Variants in OTUD5 observed in about 807,000 individuals in gnomAD.
The protein encoded by OTUD5 is OTU domain-containing protein 5.
In OTUD5, 2 loss-of-function variants were observed where a neutral mutation model predicts 36.3. The observed-to-expected ratio is 0.06, with a 90% CI of 0.02 to 0.17. OTUD5 has a LOEUF of 0.17. OTUD5 is among the 10% of genes least tolerant of loss of function. The pLI is 1.00. For synonymous variants in OTUD5, 234 were observed against 214.9 expected (o/e 1.09, Z -0.78); for missense variants, 233 against 512.3 (o/e 0.45, Z 5.26).
chrX:48,935,916 G>C (rs1021429463), intron 2 of OTUD5, among the ~76,000 whole-genome samples: 4 of 92,684 alleles, frequency 4.3e-5, no homozygotes, highest in Non-Finnish European at 6.5e-5. Context: ...TCCAGCCTGG[G>C]CGACAGAGTA....
intron 5 of OTUD5, among the ~76,000 whole-genome samples, chrX:48,931,650 G>GC (rs1557048849): frequency 9.2e-6 from 1 of 108,651 alleles, no homozygotes; most frequent in East Asian, 2.9e-4. Context: ...GTGGTGGTGG[G>GC]CACCTGTAAT....
At chrX:48,942,244 T>TACACACACACACAC (rs1188711919) in intron 2 of OTUD5, among the ~76,000 whole-genome samples, 2,479 of 57,047 alleles carry the variant, frequency 0.043, 190 homozygotes, top group East Asian at 0.052. Context: ...CACACACACA[T>TACACACACACACAC]ACACACACAC....
rs1229446636 is a variant in OTUD5, at chrX:48,934,203, G to A, written c.1059+261C>T. ...AGCCCTGGCTCACTGCTCCAAAATA[G>A]GACTCCACATCCTAAAATGCCAGCC... is the stretch of plus-strand genomic sequence containing the variant. On this transcript the variant is annotated intron_variant, in intron 5 of 8. Coordinates refer to ENST00000376488, the MANE Select transcript of OTUD5 (RefSeq NM_001136157.2). Among the ~76,000 whole-genome samples the A allele has an allele frequency of 2.7e-5, 3 of 111,573 alleles. No homozygotes were observed. In the East Asian group the frequency reaches 8.4e-4, roughly 31 times the overall value.
intron 1 of OTUD5, among the ~76,000 whole-genome samples, chrX:48,954,128 CTTTTT>C (rs781933375): frequency 9.3e-6 from 1 of 107,433 alleles, no homozygotes. Flanking sequence ...TTTTCATATT[CTTTTT>C]TTTTTATTAG....
intron 1 of OTUD5, among the ~76,000 whole-genome samples, chrX:48,946,106 C>G (rs1026407824): frequency 1.8e-5 from 2 of 111,375 alleles, no homozygotes; most frequent in African/African-American, 6.5e-5. Flanking sequence ...GGCCATTTTT[C>G]CCCAGCTCAA....
At chrX:48,954,646 A>C (rs1482064037) in intron 1 of OTUD5, among the ~76,000 whole-genome samples, 4 of 111,731 alleles carry the variant, frequency 3.6e-5, no homozygotes, top group Non-Finnish European at 7.5e-5. Context: ...AGAAAGATTT[A>C]CCTGAGCCAA....
intron 2 of OTUD5, among the ~76,000 whole-genome samples, chrX:48,943,755 G>T (rs2063974406): frequency 9.0e-6 from 1 of 110,513 alleles, no homozygotes; most frequent in East Asian, 2.8e-4. Flanking sequence ...GTATGCTATG[G>T]TTAAGAGCAT....
At chrX:48,928,311 G>GCA (rs1199136516) in intron 5 of OTUD5, among the ~76,000 whole-genome samples, 2 of 112,083 alleles carry the variant, frequency 1.8e-5, no homozygotes, top group African/African-American at 6.5e-5. Flanking sequence ...AAAAAAACCT[G>GCA]CATGCACATT....
At chrX:48,954,237 A>G (rs782123257) in intron 1 of OTUD5, among the ~76,000 whole-genome samples, 1 of 111,184 alleles carries the variant, frequency 9.0e-6, no homozygotes, top group South Asian at 3.8e-4. Flanking sequence ...CTGGGACTAC[A>G]GGCATGCGCC....
At chrX:48,943,275 C>T (rs1259322915) in intron 2 of OTUD5, among the ~76,000 whole-genome samples, 1 of 111,782 alleles carries the variant, frequency 8.9e-6, no homozygotes, top group African/African-American at 3.3e-5. Context: ...GTCACAGATT[C>T]AGAGCCAAAA....
chrX:48,934,639 T>A (rs2063803331), intron 4 of OTUD5, 27 bp from the exon 5 acceptor site: 2 of 1,207,402 alleles, frequency 1.7e-6, no homozygotes, highest in African/African-American at 1.8e-5. Context: ...GGAGGGAGCA[T>A]CCACAGCAGG....
At chrX:48,941,974 T>A (rs1602405230) in intron 2 of OTUD5, among the ~76,000 whole-genome samples, 1 of 110,927 alleles carries the variant, frequency 9.0e-6, no homozygotes, top group East Asian at 2.8e-4. Context: ...GGCAGCCCAG[T>A]CAGGGGAAAT....
chrX:48,943,344 T>C (rs1286865859), intron 2 of OTUD5, among the ~76,000 whole-genome samples: 1 of 112,242 alleles, frequency 8.9e-6, no homozygotes, highest in Non-Finnish European at 1.9e-5. Context: ...TTATTAATTC[T>C]GTTAGGTGCA....
At position 48,922,197 on chromosome X, in the gene OTUD5, CAG is replaced by C. The variant is rs782077065; in HGVS notation, c.*975_*976del. 1 of 111,889 alleles carries C rather than the reference CAG, an allele frequency of 8.9e-6. No individual in the cohort carries two copies. The highest frequency in any genetic ancestry group is 1.9e-5 in the Non-Finnish European group (1 of 53,133). The allele number at this position is 111,889 out of a possible 1,213,427, so 9.2% of individuals were successfully genotyped here. On this transcript the variant is annotated 3_prime_UTR_variant, in exon 9 of 9. Coordinates refer to ENST00000376488, the MANE Select transcript of OTUD5 (RefSeq NM_001136157.2). ...CGCCCAACCCCTGCCCCACACAGAA[CAG>C]AGTCGCTCAGGGAAACTGACATTTG...
intron 5 of OTUD5, among the ~76,000 whole-genome samples, chrX:48,931,553 T>C (rs1374006726): frequency 1.8e-5 from 2 of 109,806 alleles, no homozygotes; most frequent in Non-Finnish European, 3.8e-5. Context: ...CCGAGGCGGG[T>C]GGATCACCTG....
chrX:48,934,348 G>C, intron 5 of OTUD5, 116 bp downstream of exon 5: 1 of 481,985 alleles, frequency 2.1e-6, no homozygotes, highest in Non-Finnish European at 3.4e-6. Flanking sequence ...GTAAGGGTGA[G>C]ACCTCAGGGG....
chrX:48,958,043 A>T (rs901232438), upstream of OTUD5: 1 of 115,012 alleles, frequency 8.7e-6, no homozygotes, highest in African/African-American at 3.2e-5. Flanking sequence ...CCGCCGCCAC[A>T]ACAATTGCAA....
At chrX:48,928,512 T>C (rs142371588) in intron 5 of OTUD5, among the ~76,000 whole-genome samples, 7 of 111,427 alleles carry the variant, frequency 6.3e-5, no homozygotes, top group Non-Finnish European at 1.1e-4. Flanking sequence ...TCTGTCACAT[T>C]GACCATTTTA....
chrX:48,924,193 G>A (rs1227647288), intron 6 of OTUD5, 141 bp from the exon 7 acceptor site: 13 of 544,032 alleles, frequency 2.4e-5, no homozygotes, highest in African/African-American at 4.6e-5. Context: ...CCACTCACAC[G>A]GTGGACCACA....
Sources: gnomAD v4.1 joint callset for allele counts (sites outside exome capture counted in the v4.1 genomes callset) on GRCh38, gnomAD v4.1.1 for gene constraint, MANE v1.5 for transcripts, NCBI Gene and HGNC (gene_info 2026-07-23, HGNC 2026-07-21) for gene names.